Variants in KBTBD8 observed in about 807,000 individuals in gnomAD.
KBTBD8 encodes kelch repeat and BTB domain containing 8.
In KBTBD8, 31 loss-of-function variants were observed where a neutral mutation model predicts 53.5. The observed-to-expected ratio is 0.58, with a 90% CI of 0.44 to 0.78. KBTBD8 has a LOEUF of 0.78. Among genes scored for constraint, KBTBD8 ranks in the 30% least tolerant of loss-of-function variants. The pLI is 0.00. For synonymous variants in KBTBD8, 250 were observed against 247.3 expected, an observed-to-expected ratio of 1.01 and a Z score of -0.10; for missense variants, 642 against 735.8, an observed-to-expected ratio of 0.87 and a Z score of 1.48.
Position 66,999,104 on chromosome 3 carries a change from A to G in KBTBD8, c.140A>G (p.Gln47Arg). ...KQLKTMYDEG[Q>R]LTDIVVEVDH... ...CTCAAAACAATGTACGATGAAGGAC[A>G]GTTGACAGACATTGTAGTGGAAGTG... The change falls in exon 2 of 4, where the codon CAG becomes CGG. Residue 47 changes from glutamine (Q) to arginine (R), a missense_variant. Gln to Arg is a conservative substitution (Grantham distance 43). Coordinates refer to ENST00000417314, the MANE Select transcript of KBTBD8 (RefSeq NM_032505.3). 2 of 1,614,196 alleles carry G rather than the reference A, an allele frequency of 1.2e-6. No homozygotes were observed. Among genetic ancestry groups the G allele is most frequent in the Non-Finnish European group, 1.7e-6 (2 of 1,180,012 alleles).
At chr3:67,006,724 A>G (rs1328371998) in intron 3 of KBTBD8, among the ~76,000 whole-genome samples, 2 of 152,240 alleles carry the variant, frequency 1.3e-5, no homozygotes, top group Non-Finnish European at 2.9e-5. Flanking sequence ...GGGAAGCTCA[A>G]TTTAGAATCT....
chr3:67,006,039 T>C (rs982269726), intron 3 of KBTBD8, among the ~76,000 whole-genome samples: 2 of 152,186 alleles, frequency 1.3e-5, no homozygotes, highest in Non-Finnish European at 2.9e-5. Flanking sequence ...TCAGAAGGAG[T>C]TGTACTCTCT....
intron 2 of KBTBD8, among the ~76,000 whole-genome samples, chr3:67,002,415 T>C (rs1217033193): frequency 2.0e-5 from 3 of 152,088 alleles, no homozygotes; most frequent in Non-Finnish European, 4.4e-5. Flanking sequence ...ATATTTTGGA[T>C]ACAAGTTGCC....
Position 67,003,242 on chromosome 3 carries a change from G to C in KBTBD8, c.275G>C (p.Arg92Pro). The change falls in exon 3 of 4, where the codon CGA (arginine) becomes CCA (proline). Residue 92 changes from arginine to proline, a missense_variant. Physicochemically the swap from Arg to Pro is moderately radical, Grantham distance 103 (BLOSUM62 -2). Coordinates refer to ENST00000417314, the MANE Select transcript of KBTBD8 (RefSeq NM_032505.3). Reference protein sequence around the residue: ...GLTESTQKEVRIVGVEAESMD... With the variant: ...GLTESTQKEVPIVGVEAESMD... The stretch of plus-strand genomic sequence containing the variant: ...ACAGAAAGTACTCAAAAAGAAGTTC[G>C]AATAGTTGGTGTTGAAGCTGAATCG... The C allele has an allele frequency of 6.2e-7, 1 of 1,614,020 alleles. No homozygotes were observed. Among genetic ancestry groups the C allele is most frequent in the East Asian group, 2.2e-5 (1 of 44,878 alleles).
chr3:67,005,653 C>T (rs1478901738), intron 3 of KBTBD8, among the ~76,000 whole-genome samples: 2 of 151,610 alleles, frequency 1.3e-5, no homozygotes, highest in African/African-American at 4.8e-5. Flanking sequence ...CCTTCCCCTT[C>T]CCTTCTTTTC....
Position 67,004,442 on chromosome 3 carries a change from A to G in KBTBD8, c.1342+133A>G, listed in dbSNP as rs17045701. 1.7e-3 allele frequency: 1,395 copies of G among 828,250 alleles called. 16 individuals are homozygous for G. The African/African-American group carries it at 0.018, about 11-fold the overall frequency. 51.3% of individuals were successfully genotyped at this position (828,250 alleles called of 1,614,324 possible). On this transcript the variant is annotated intron_variant, in intron 3 of 3. Transcript: ENST00000417314. ...AGCTTCCTTATCAAACTATTGGAAC[A>G]GTCTGTTCTGTAAAGAGCTATAAAG...
Position 67,008,260 on chromosome 3 carries a change from T to C in KBTBD8, c.1681T>C (p.Tyr561His). ...RTSRKNSLYQ[Y>H]DDIADQWMKV... is the part of the protein sequence containing the mutation. ...CAGCAGAAAAAATTCCCTTTACCAA[T>C]ATGATGACATTGCTGACCAGTGGAT... The change falls in exon 4 of 4, where the codon TAT becomes CAT. Residue 561 changes from tyrosine to histidine, a missense_variant. Transcript: ENST00000417314. 6.2e-7 allele frequency: 1 copy of C among 1,613,964 alleles called. No individual in the cohort carries two copies. Among genetic ancestry groups the C allele is most frequent in the Non-Finnish European group, 8.5e-7 (1 of 1,179,988 alleles).
At position 67,003,288 on chromosome 3, in the gene KBTBD8, T is replaced by C. The variant is rs370780302; in HGVS notation, c.321T>C (p.Tyr107=). 1.9e-6 allele frequency: 3 copies of C among 1,614,138 alleles called. No homozygotes were observed. The highest frequency in any genetic ancestry group is 2.5e-6 in the Non-Finnish European group (3 of 1,179,966). The change falls in exon 3 of 4, where the codon TAT becomes TAC. Residue 107 remains tyrosine (Y), a synonymous_variant. Transcript: ENST00000417314. ...EAESMDLVLN[Y]AYTSRVILTE... is the part of the protein sequence containing the mutation. The stretch of plus-strand genomic sequence containing the variant: ...AATCGATGGATTTAGTGTTGAACTA[T>C]GCCTACACTTCCAGAGTTATTCTTA...
At chr3:67,007,753 T>C (rs1056093129) in intron 3 of KBTBD8, among the ~76,000 whole-genome samples, 169 bp from the exon 4 acceptor site, 1 of 152,214 alleles carries the variant, frequency 6.6e-6, no homozygotes, top group African/African-American at 2.4e-5. Flanking sequence ...TTTTAAGGTA[T>C]TTTGTAACCC....
chr3:67,003,154 TTATAGCACAC>T lies in KBTBD8; in HGVS notation c.228-40_228-31del, dbSNP rs1353152266. On this transcript the variant is annotated intron_variant, in intron 2 of 3. Coordinates refer to ENST00000417314, the MANE Select transcript of KBTBD8 (RefSeq NM_032505.3). ...AAAATCTTGCCACAATAATTTTGAT[TTATAGCACAC>T]GTGTAATATTAACCACTCTTTCCTT... is the stretch of plus-strand genomic sequence containing the variant. 6 of 1,559,742 alleles carry T rather than the reference TTATAGCACAC, an allele frequency of 3.8e-6. No individual in the cohort carries two copies. The African/African-American group carries it at 8.2e-5, about 21-fold the overall frequency.
intron 2 of KBTBD8, among the ~76,000 whole-genome samples, chr3:66,999,457 G>C (rs975731751): frequency 1.2e-4 from 18 of 152,210 alleles, no homozygotes; most frequent in Middle Eastern, 6.8e-3. Flanking sequence ...GACTTGTGCT[G>C]GTCAGTATGG....
chr3:67,003,145 A>G (rs1702031682), intron 2 of KBTBD8, 50 bp from the exon 3 acceptor site: 3 of 1,537,108 alleles, frequency 2.0e-6, no homozygotes, highest in Non-Finnish European at 2.7e-6. Context: ...TTGCCACAAT[A>G]ATTTTGATTT....
chr3:67,007,066 A>G (rs1702069286), intron 3 of KBTBD8, among the ~76,000 whole-genome samples: 1 of 152,194 alleles, frequency 6.6e-6, no homozygotes, highest in African/African-American at 2.4e-5. Flanking sequence ...CTCCTGCTGA[A>G]TATTTCTCTT....
intron 3 of KBTBD8, 48 bp downstream of exon 3, chr3:67,004,357 G>A: frequency 1.3e-6 from 2 of 1,552,648 alleles, no homozygotes; most frequent in African/African-American, 1.4e-5. Flanking sequence ...AACACATCAA[G>A]TGGTGGTTTA....
chr3:67,000,906 T>G (rs963006952), intron 2 of KBTBD8, among the ~76,000 whole-genome samples: 1 of 152,006 alleles, frequency 6.6e-6, no homozygotes, highest in African/African-American at 2.4e-5. Flanking sequence ...AGTATACTTA[T>G]TAAGTATAAT....
chr3:67,002,802 G>A (rs1702029403), intron 2 of KBTBD8, among the ~76,000 whole-genome samples: 1 of 152,070 alleles, frequency 6.6e-6, no homozygotes, highest in Non-Finnish European at 1.5e-5. Context: ...CACCGGGCCA[G>A]TATTCTTAAG....
chr3:67,009,868 G>A lies in KBTBD8; in HGVS notation c.*1483G>A, dbSNP rs2106764846. 6.6e-6 allele frequency: 1 copy of A among 152,614 alleles called. No individual in the cohort carries two copies. The highest frequency in any genetic ancestry group is 1.9e-4 in the East Asian group (1 of 5,190). The allele number at this position is 152,614 out of a possible 1,614,324, so 9.5% of individuals were successfully genotyped here. ...TATTCACTTGAAAGCAAACTGGCAT[G>A]GTTCGTATTTTAAAAATCTTGCACA... On this transcript the variant is annotated 3_prime_UTR_variant, in exon 4 of 4. Transcript: ENST00000417314.
Position 67,009,592 on chromosome 3 carries a change from T to C in KBTBD8, c.*1207T>C, listed in dbSNP as rs911149724. On this transcript the variant is annotated 3_prime_UTR_variant, in exon 4 of 4. Transcript: ENST00000417314. ...TACTTTTACGTTGGAATCCTCCTTC[T>C]AGCTGAAGGTGATTGAAAAGGAAAA... is the stretch of plus-strand genomic sequence containing the variant. 6.6e-6 allele frequency: 1 copy of C among 152,578 alleles called. No homozygotes were observed. Among genetic ancestry groups the C allele is most frequent in the Non-Finnish European group, 1.5e-5 (1 of 67,988 alleles). The allele number at this position is 152,578 out of a possible 1,614,324, so 9.5% of individuals were successfully genotyped here.
chr3:67,002,547 C>A (rs995073086), intron 2 of KBTBD8, among the ~76,000 whole-genome samples: 12 of 111,600 alleles, frequency 1.1e-4, no homozygotes, highest in Non-Finnish European at 1.7e-4. Flanking sequence ...GATGGAGTCT[C>A]ACTCTGTCTT....
Sources: allele counts gnomAD v4.1 joint callset (sites outside exome capture counted in the v4.1 genomes callset), GRCh38; gene constraint gnomAD v4.1.1; transcripts MANE v1.5; gene names NCBI Gene and HGNC (gene_info 2026-07-23, HGNC 2026-07-21).